TWSG1: variants seen among roughly 807,000 people sequenced by gnomAD.
TWSG1 encodes the protein twisted gastrulation BMP signaling modulator 1.
TWSG1 carries 15 observed loss-of-function variants against 23.0 expected under a neutral mutation model. The ratio of observed to expected loss-of-function variants is 0.65; its 90% CI spans 0.44 to 1.00. TWSG1 has a LOEUF of 1.00. Among genes scored for constraint, TWSG1 ranks in the 50% least tolerant of loss-of-function variants. The probability of loss-of-function intolerance (pLI) is 0.00; values close to 1 mark genes in which losing one functional copy is unlikely to be tolerated. For synonymous variants in TWSG1, 86 were observed against 92.8 expected (o/e 0.93, Z 0.42); for missense variants, 242 against 278.7 (o/e 0.87, Z 0.94).
intron 2 of TWSG1, among the ~76,000 whole-genome samples, chr18:9,346,805 T>C (rs910466672): frequency 6.6e-6 from 1 of 152,170 alleles, no homozygotes; most frequent in African/African-American, 2.4e-5. Flanking sequence ...ATGTGCAGGT[T>C]TTGTGTGGGC....
intron 3 of TWSG1, among the ~76,000 whole-genome samples, chr18:9,368,767 G>A (rs934187030): frequency 3.3e-5 from 5 of 152,146 alleles, no homozygotes; most frequent in African/African-American, 1.2e-4. Context: ...GGTGAACATG[G>A]TGAAACTCCG....
intron 3 of TWSG1, among the ~76,000 whole-genome samples, chr18:9,386,722 G>C (rs1011460435): frequency 6.6e-6 from 1 of 152,114 alleles, no homozygotes; most frequent in African/African-American, 2.4e-5. Context: ...AGACCTACAT[G>C]TGGCACATCT....
intron 3 of TWSG1, among the ~76,000 whole-genome samples, chr18:9,366,790 T>C (rs1381281647): frequency 1.3e-5 from 2 of 152,162 alleles, no homozygotes; most frequent in African/African-American, 4.8e-5. Flanking sequence ...TTTATTATTA[T>C]TAATTTTAAT....
At chr18:9,397,265 A>G (rs1401196308) in intron 4 of TWSG1, among the ~76,000 whole-genome samples, 1 of 152,196 alleles carries the variant, frequency 6.6e-6, no homozygotes, top group Non-Finnish European at 1.5e-5. Flanking sequence ...CATTCAGAGT[A>G]TCCCATGAAG....
Position 9,401,968 on chromosome 18 carries a change from G to C in TWSG1, c.*2441G>C, listed in dbSNP as rs1172886916. 6.6e-6 allele frequency: 1 copy of C among 152,014 alleles called. No individual in the cohort carries two copies. The highest frequency in any genetic ancestry group is 1.9e-4 in the East Asian group (1 of 5,198). The allele number at this position is 152,014 out of a possible 1,614,324, so 9.4% of individuals were successfully genotyped here. ...CTTTCTTATAGTAAGACTTGTGCTT[G>C]TTAGCAGGTTTTTCTGTTAGTTTTT... On this transcript the variant is annotated 3_prime_UTR_variant, in exon 5 of 5. Coordinates refer to ENST00000262120, the MANE Select transcript of TWSG1 (RefSeq NM_020648.6).
intron 3 of TWSG1, among the ~76,000 whole-genome samples, chr18:9,367,637 G>A (rs573504896): frequency 6.6e-6 from 1 of 152,088 alleles, no homozygotes; most frequent in Non-Finnish European, 1.5e-5. Flanking sequence ...TCAGGTCAGC[G>A]GCAGTATTGG....
chr18:9,357,946 A>C (rs1483959633), intron 2 of TWSG1, among the ~76,000 whole-genome samples: 1 of 152,200 alleles, frequency 6.6e-6, no homozygotes, highest in Non-Finnish European at 1.5e-5. Flanking sequence ...TGAAGAAACC[A>C]TGGGAGTATT....
intron 3 of TWSG1, among the ~76,000 whole-genome samples, chr18:9,389,231 C>T (rs2040700120): frequency 6.6e-6 from 1 of 152,166 alleles, no homozygotes; most frequent in Non-Finnish European, 1.5e-5. Context: ...CCGCCTCAGC[C>T]TCCCAAAGTG....
intron 2 of TWSG1, among the ~76,000 whole-genome samples, chr18:9,340,710 G>A (rs966466782): frequency 6.6e-6 from 1 of 152,186 alleles, no homozygotes; most frequent in Non-Finnish European, 1.5e-5. Flanking sequence ...GGTGGTGGGG[G>A]TGGAATTATC....
chr18:9,390,246 C>A (rs891566081), intron 3 of TWSG1, among the ~76,000 whole-genome samples: 1 of 152,068 alleles, frequency 6.6e-6, no homozygotes, highest in African/African-American at 2.4e-5. Flanking sequence ...CTGCAACCTC[C>A]GCCCCTCCAG....
At chr18:9,344,517 G>GTGTGTGTGTGTGTGTGTGTA (rs1555650744) in intron 2 of TWSG1, among the ~76,000 whole-genome samples, 249 of 105,790 alleles carry the variant, frequency 2.4e-3, no homozygotes, top group Middle Eastern at 0.016. Context: ...GTGTGTGTGT[G>GTGTGTGTGTGTGTGTGTGTA]TGTGTATGTA....
rs1224391707 is a variant in TWSG1 at position 9,401,231 on chromosome 18, G to A, written c.*1704G>A. 6.6e-6 allele frequency: 1 copy of A among 152,090 alleles called. No homozygotes were observed. Among genetic ancestry groups the A allele is most frequent in the Non-Finnish European group, 1.5e-5 (1 of 68,008 alleles). 9.4% of individuals were successfully genotyped at this position (152,090 alleles called of 1,614,324 possible). ...TTTACCTAGAATGCCTCATTTAAAA[G>A]TGCCTTGAAAACATTTAGCTCCCCT... is the stretch of plus-strand genomic sequence containing the variant. On this transcript the variant is annotated 3_prime_UTR_variant, in exon 5 of 5. Coordinates refer to ENST00000262120, the MANE Select transcript of TWSG1 (RefSeq NM_020648.6).
rs1333474560 is a variant in TWSG1, at chr18:9,360,152, G to A, written c.223+81G>A. The A allele has an allele frequency of 6.4e-6, 7 of 1,092,354 alleles. No homozygotes were observed. The East Asian group carries it at 9.7e-5, about 15-fold the overall frequency. The allele number at this position is 1,092,354 out of a possible 1,614,324, so 67.7% of individuals were successfully genotyped here. A position where few individuals can be genotyped will look rare whatever the true frequency, so the allele number is the denominator to read the frequency against. On this transcript the variant is annotated intron_variant, in intron 3 of 4. Coordinates refer to ENST00000262120, the MANE Select transcript of TWSG1 (RefSeq NM_020648.6). ...TTAAGAGACTTTAAGGAATATAAAT[G>A]TAGTTTATGTGCATAAACAAGTATG...
intron 3 of TWSG1, among the ~76,000 whole-genome samples, chr18:9,382,275 G>A (rs1184977914): frequency 6.6e-6 from 1 of 152,144 alleles, no homozygotes; most frequent in Non-Finnish European, 1.5e-5. Context: ...TGTAATCCTA[G>A]CACTTTGGGA....
chr18:9,357,318 T>C (rs551126107), intron 2 of TWSG1, among the ~76,000 whole-genome samples: 6 of 152,348 alleles, frequency 3.9e-5, no homozygotes, highest in South Asian at 2.1e-4. Context: ...TATACACTTA[T>C]ATCAAACTAA....
chr18:9,376,707 C>T (rs1431508617), intron 3 of TWSG1, among the ~76,000 whole-genome samples: 3 of 151,902 alleles, frequency 2.0e-5, no homozygotes, highest in African/African-American at 7.3e-5. Flanking sequence ...TGGCACACAT[C>T]TGTAGTCCCA....
chr18:9,394,747 C>T (rs2040727026), intron 3 of TWSG1, among the ~76,000 whole-genome samples: 1 of 152,104 alleles, frequency 6.6e-6, no homozygotes, highest in South Asian at 2.1e-4. Flanking sequence ...CCTTCCTCTC[C>T]CTACAGACAC....
chr18:9,350,126 C>T (rs1382829934), intron 2 of TWSG1, among the ~76,000 whole-genome samples: 1 of 151,348 alleles, frequency 6.6e-6, no homozygotes, highest in Non-Finnish European at 1.5e-5. Context: ...GGCAACAGAG[C>T]GAGACTCCAT....
chr18:9,365,251 G>A (rs1239196247), intron 3 of TWSG1, among the ~76,000 whole-genome samples: 1 of 152,140 alleles, frequency 6.6e-6, no homozygotes, highest in Non-Finnish European at 1.5e-5. Flanking sequence ...AAACTCAGGA[G>A]GTCAAGGCTG....
Sources: gnomAD v4.1 joint callset for allele counts (sites outside exome capture counted in the v4.1 genomes callset) on GRCh38, gnomAD v4.1.1 for gene constraint, MANE v1.5 for transcripts, NCBI Gene and HGNC (gene_info 2026-07-23, HGNC 2026-07-21) for gene names.